DLGAP2: variants seen among roughly 807,000 people sequenced by gnomAD.
The protein encoded by DLGAP2 is DLG associated protein 2, also known as disks large-associated protein 2.
In DLGAP2, 26 loss-of-function variants were observed where a neutral mutation model predicts 100.3. The ratio of observed to expected loss-of-function variants is 0.26; its 90% CI spans 0.19 to 0.36. DLGAP2 has a LOEUF of 0.36. Among genes scored for constraint, DLGAP2 ranks in the 10% least tolerant of loss-of-function variants. DLGAP2 has a pLI of 1.00. For synonymous variants in DLGAP2, 886 were observed against 630.1 expected (o/e 1.41, Z -6.08); for missense variants, 1,858 against 1,453.2 (o/e 1.28, Z -4.53).
intron 8 of DLGAP2, among the ~76,000 whole-genome samples, chr8:1,638,870 G>A (rs545263297): frequency 7.8e-4 from 119 of 152,370 alleles, no homozygotes; most frequent in Admixed American, 3.4e-3. Flanking sequence ...AGATCCCAGC[G>A]ATGGGGCTGT....
intron 11 of DLGAP2, among the ~76,000 whole-genome samples, chr8:1,676,958 G>A (rs4876121): frequency 0.18 from 27,972 of 152,138 alleles, 2,818 homozygotes; most frequent in South Asian, 0.34. Flanking sequence ...CATGTTACAC[G>A]TAAAACGATA....
At chr8:803,586 C>T (rs1018809888) in intron 1 of DLGAP2, among the ~76,000 whole-genome samples, 4 of 151,994 alleles carry the variant, frequency 2.6e-5, no homozygotes, top group South Asian at 2.1e-4. Flanking sequence ...CACATCTACA[C>T]GCCCGGCATT....
At chr8:1,081,236 A>G (rs1803797426) in intron 2 of DLGAP2, among the ~76,000 whole-genome samples, 1 of 152,258 alleles carries the variant, frequency 6.6e-6, no homozygotes, top group African/African-American at 2.4e-5. Flanking sequence ...GTGTTAATCT[A>G]TAGGAACTAC....
intron 2 of DLGAP2, among the ~76,000 whole-genome samples, chr8:1,093,975 A>G (rs1045288719): frequency 2.4e-5 from 3 of 123,162 alleles, no homozygotes; most frequent in African/African-American, 9.0e-5. Context: ...AAGTCCATGC[A>G]GGCGCTCGTG....
chr8:1,255,041 C>CCGGCT (rs1799155959), intron 2 of DLGAP2, among the ~76,000 whole-genome samples: 1 of 60,872 alleles, frequency 1.6e-5, no homozygotes, highest in African/African-American at 5.2e-5. Flanking sequence ...CCTGCCCAGC[C>CCGGCT]GCTGTGTGTG....
chr8:1,183,442 T>C (rs1797433496), intron 2 of DLGAP2, among the ~76,000 whole-genome samples: 2 of 152,328 alleles, frequency 1.3e-5, no homozygotes, highest in African/African-American at 4.8e-5. Context: ...ACATTACTGA[T>C]CTATAGAATG....
intron 2 of DLGAP2, among the ~76,000 whole-genome samples, chr8:963,381 G>A (rs546489541): frequency 6.6e-6 from 1 of 152,286 alleles, no homozygotes; most frequent in East Asian, 1.9e-4. Flanking sequence ...TCCCTGGGCA[G>A]ATTACACAAA....
intron 3 of DLGAP2, among the ~76,000 whole-genome samples, chr8:1,376,613 G>A (rs1378927477): frequency 6.6e-6 from 1 of 152,132 alleles, no homozygotes; most frequent in Non-Finnish European, 1.5e-5. Context: ...GGAGCCGGGT[G>A]ACAGGGACGT....
At position 1,410,865 on chromosome 8, in the gene DLGAP2, T is replaced by C. The variant is rs906433044; in HGVS notation, c.107-90501T>C. Among the ~76,000 whole-genome samples the C allele has an allele frequency of 1.3e-5, 2 of 152,220 alleles. 1 individual carries two copies. Among genetic ancestry groups the C allele is most frequent in the African/African-American group, 4.8e-5 (2 of 41,536 alleles). On this transcript the variant is annotated intron_variant, in intron 3 of 14. Transcript: ENST00000637795. The stretch of plus-strand genomic sequence containing the variant: ...TTTTTTTTTTTTAAACTTCCTTGTT[T>C]TCAGTTGTCTTATCCAGGAAGGAAG...
At chr8:1,593,829 A>G (rs567071997) in intron 6 of DLGAP2, among the ~76,000 whole-genome samples, 1 of 152,272 alleles carries the variant, frequency 6.6e-6, no homozygotes, top group South Asian at 2.1e-4. Context: ...AGCACAGAAT[A>G]AGCAAACAAG....
chr8:1,328,523 T>G (rs1051916358), intron 3 of DLGAP2, among the ~76,000 whole-genome samples: 15 of 150,736 alleles, frequency 1.0e-4, no homozygotes, highest in South Asian at 2.1e-4. Flanking sequence ...TGTTTTTTGG[T>G]TTTTTTTAGT....
chr8:1,382,763 A>T (rs1415149619), intron 3 of DLGAP2, among the ~76,000 whole-genome samples: 1 of 152,160 alleles, frequency 6.6e-6, no homozygotes, highest in Non-Finnish European at 1.5e-5. Context: ...AAACAAAAGA[A>T]ATGTGTATAG....
At chr8:1,233,844 G>A (rs956435450) in intron 2 of DLGAP2, among the ~76,000 whole-genome samples, 4 of 152,220 alleles carry the variant, frequency 2.6e-5, no homozygotes, top group African/African-American at 9.6e-5. Flanking sequence ...ATTTTAATCC[G>A]TAAGCTAAAC....
intron 1 of DLGAP2, among the ~76,000 whole-genome samples, chr8:853,329 G>T (rs1269207738): frequency 6.6e-6 from 1 of 152,226 alleles, no homozygotes. Flanking sequence ...GGTTCTGCCA[G>T]TATCAAGCTG....
chr8:844,222 T>G (rs1359890510), intron 1 of DLGAP2, among the ~76,000 whole-genome samples: 1 of 152,234 alleles, frequency 6.6e-6, no homozygotes, highest in Non-Finnish European at 1.5e-5. Context: ...GAAGTGAAGC[T>G]GAATCAAAAT....
intron 3 of DLGAP2, among the ~76,000 whole-genome samples, chr8:1,271,961 C>T (rs911898049): frequency 6.6e-6 from 1 of 152,062 alleles, no homozygotes; most frequent in Non-Finnish European, 1.5e-5. Flanking sequence ...CAGGTGTGTG[C>T]CAACACACCC....
chr8:1,408,451 G>A (rs1796638272), intron 3 of DLGAP2, among the ~76,000 whole-genome samples: 1 of 152,148 alleles, frequency 6.6e-6, no homozygotes, highest in African/African-American at 2.4e-5. Context: ...ACGAGCATCT[G>A]GGGCACCGTG....
chr8:827,546 A>G (rs1037870016), intron 1 of DLGAP2, among the ~76,000 whole-genome samples: 8 of 152,220 alleles, frequency 5.3e-5, no homozygotes, highest in Admixed American at 3.3e-4. Flanking sequence ...TGCAATCTTC[A>G]TGCAGAACTT....
At chr8:857,784 G>T (rs1221093508) in intron 1 of DLGAP2, among the ~76,000 whole-genome samples, 1 of 152,142 alleles carries the variant, frequency 6.6e-6, no homozygotes, top group Non-Finnish European at 1.5e-5. Context: ...TTACAACAGT[G>T]CACATTTGCC....
Sources: gnomAD v4.1 joint callset for allele counts (sites outside exome capture counted in the v4.1 genomes callset) on GRCh38, gnomAD v4.1.1 for gene constraint, MANE v1.5 for transcripts, NCBI Gene and HGNC (gene_info 2026-07-23, HGNC 2026-07-21) for gene names.